Variants in OSBPL5 observed in about 807,000 individuals in gnomAD.
OSBPL5 encodes the protein oxysterol binding protein like 5, also known as oxysterol-binding protein-related protein 5.
A neutral mutation model predicts 111.2 loss-of-function variants in OSBPL5; 71 were observed. The ratio of observed to expected loss-of-function variants is 0.64; its 90% CI spans 0.53 to 0.78. The LOEUF (loss-of-function observed/expected upper bound fraction) is 0.78. Among genes scored for constraint, OSBPL5 ranks in the 30% least tolerant of loss-of-function variants. OSBPL5 has a pLI of 0.00. For missense variants in OSBPL5, 1,210 were observed against 1,189.3 expected, an observed-to-expected ratio of 1.02 and a Z score of -0.26; for synonymous variants, 549 against 513.9, an observed-to-expected ratio of 1.07 and a Z score of -0.93.
Position 3,107,775 on chromosome 11 carries a change from A to G in OSBPL5, c.862T>C (p.Phe288Leu). ...CTGTGCCCTCGCCCCACTCACGGGA[A>G]CAGGTCTTGGTCTGGGTGGACGGTG... ...SATVHPDQDL[F>L]PLNGSSLEND... is the part of the protein sequence containing the mutation. Residue 288 changes from phenylalanine to leucine, a missense_variant, in exon 8 of 22, where the codon TTC becomes CTC. Physicochemically the swap from Phe to Leu is conservative, Grantham distance 22. Coordinates refer to ENST00000263650, the MANE Select transcript of OSBPL5 (RefSeq NM_020896.4). The surrounding 1 kb of genome is among the most constrained non-coding windows in gnomAD (Gnocchi z 6.1). The G allele has an allele frequency of 6.2e-7, 1 of 1,611,796 alleles. No homozygotes were observed. Among genetic ancestry groups the G allele is most frequent in the South Asian group, 1.1e-5 (1 of 91,056 alleles).
At chr11:3,094,579 G>T in intron 14 of OSBPL5, 1 of 494,172 alleles carries the variant, frequency 2.0e-6, no homozygotes, top group South Asian at 2.5e-5. Flanking sequence ...ACGGAGCCTG[G>T]GAGGCACGCC....
chr11:3,090,635 G>A lies in OSBPL5; in HGVS notation c.2321C>T (p.Ala774Val). 1.9e-6 allele frequency: 3 copies of A among 1,612,956 alleles called. No individual in the cohort carries two copies. In the South Asian group the frequency reaches 3.3e-5, roughly 18 times the overall value. ...ASDQPSGHSQ[A>V]TESSGSTPES... ...AGGCGTGGATCCGCTGCTCTCCGTG[G>A]CCTGGCTGTGGCCGGAGGGCTGGTC... Residue 774 changes from alanine (A) to valine (V), a missense_variant, in exon 20 of 22, where the codon GCC becomes GTC. Ala to Val is a moderately conservative substitution (Grantham distance 64, BLOSUM62 0). Coordinates refer to ENST00000263650, the MANE Select transcript of OSBPL5 (RefSeq NM_020896.4).
rs201523021 is a variant in OSBPL5 at position 3,119,629 on chromosome 11, G to A, written c.609C>T (p.Gly203=). ...TGGAGCCCACGCTCTCACCTTTGGGGCCCTGGAGAGAGAGAGATCTGGGTG... is the reference window on the plus strand; with the variant it reads ...TGGAGCCCACGCTCTCACCTTTGGGACCCTGGAGAGAGAGAGATCTGGGTG... The part of the protein sequence containing the change: ...PLDQSVWAVK[G]PKGESVGSIT... Residue 203 remains glycine (G), a splice_region_variant and synonymous_variant, in exon 7 of 22, where the codon GGC becomes GGT. Transcript: ENST00000263650. 8.0e-5 allele frequency: 126 copies of A among 1,578,528 alleles called. 1 individual carries two copies. The Admixed American group carries it at 2.3e-3, about 28-fold the overall frequency.
chr11:3,101,454 A>G (rs1392416893), intron 13 of OSBPL5, 149 bp downstream of exon 13: 8 of 741,196 alleles, frequency 1.1e-5, no homozygotes, highest in Admixed American at 2.8e-5. Context: ...GGGTCTCAGC[A>G]CCTGACCACC....
chr11:3,160,324 G>GC (rs1448586365), intron 1 of OSBPL5, among the ~76,000 whole-genome samples: 3 of 152,200 alleles, frequency 2.0e-5, no homozygotes, highest in Non-Finnish European at 4.4e-5. Flanking sequence ...CAAGCAGGAC[G>GC]CCTGGACCCT....
intron 7 of OSBPL5, among the ~76,000 whole-genome samples, chr11:3,111,969 GC>G (rs1857960027): frequency 8.3e-6 from 1 of 120,124 alleles, no homozygotes; most frequent in South Asian, 2.7e-4. Context: ...GTGTGTGTGT[GC>G]ATATGTGTGC....
intron 14 of OSBPL5, among the ~76,000 whole-genome samples, chr11:3,095,366 C>T (rs922746694): frequency 2.6e-5 from 4 of 151,834 alleles, no homozygotes; most frequent in Non-Finnish European, 5.9e-5. Flanking sequence ...GGTCTGACCT[C>T]CAGATTGTGA....
Position 3,092,694 on chromosome 11 carries a change from G to A in OSBPL5, c.2133-136C>T. 1 of 1,361,402 alleles carries A rather than the reference G, an allele frequency of 7.3e-7. No individual in the cohort carries two copies. The highest frequency in any genetic ancestry group is 9.8e-7 in the Non-Finnish European group (1 of 1,020,382). The allele number at this position is 1,361,402 out of a possible 1,614,324, so 84.3% of individuals were successfully genotyped here. Reference sequence around the variant, plus strand: ...GACCACTGCCCACACCCCATGGGCAGGGCCTGCAGTAAGGACTGATGATGG... The same window carrying A: ...GACCACTGCCCACACCCCATGGGCAAGGCCTGCAGTAAGGACTGATGATGG... On this transcript the variant is annotated intron_variant, in intron 18 of 21. Transcript: ENST00000263650. The surrounding 1 kb of genome is among the most constrained non-coding windows in gnomAD (Gnocchi z 5.4).
rs2134513246 is a variant in OSBPL5, at chr11:3,142,078, A to G, written c.-21-12909T>C. On this transcript the variant is annotated intron_variant, in intron 1 of 21. Transcript: ENST00000263650. The surrounding 1 kb of genome is among the most constrained non-coding windows in gnomAD (Gnocchi z 7.1). ...CAGGCACCTGCCACGATGACCGGCT[A>G]AAATTTTTTTGTATTTTTTCAGTAG... Among the ~76,000 whole-genome samples the G allele has an allele frequency of 6.6e-6, 1 of 152,218 alleles. No homozygotes were observed. The highest frequency in any genetic ancestry group is 1.5e-5 in the Non-Finnish European group (1 of 68,014).
At chr11:3,103,890 T>TCCAG (rs1857601834) in intron 10 of OSBPL5, among the ~76,000 whole-genome samples, 4 of 101,614 alleles carry the variant, frequency 3.9e-5, no homozygotes, top group Admixed American at 2.8e-4. Context: ...GTAGCCCCAT[T>TCCAG]CCTGCCTCTG....
chr11:3,089,940 T>TCTCACC lies in OSBPL5; in HGVS notation c.2401_2406dup (p.Gly801_Glu802dup), dbSNP rs1328861866. The TCTCACC allele has an allele frequency of 1.6e-5, 25 of 1,550,296 alleles. No homozygotes were observed. The highest frequency in any genetic ancestry group is 2.2e-5 in the Non-Finnish European group (25 of 1,145,968). On this transcript the variant is annotated inframe_insertion, in exon 21 of 22. Coordinates refer to ENST00000263650, the MANE Select transcript of OSBPL5 (RefSeq NM_020896.4). ...TCCTTCCTGCACCGAGGGCATGGGC[T>TCTCACC]CTCACCGCCTGGGACGGCCCCGAGT...
At chr11:3,157,793 C>G (rs1281341136) in intron 1 of OSBPL5, among the ~76,000 whole-genome samples, 1 of 152,244 alleles carries the variant, frequency 6.6e-6, no homozygotes, top group Non-Finnish European at 1.5e-5. Flanking sequence ...GTTCTTCTGG[C>G]CGTTGGTGGG....
chr11:3,111,971 A>ATATGTGTGCGCGCATGTG (rs1554898136), intron 7 of OSBPL5, among the ~76,000 whole-genome samples: 3 of 115,492 alleles, frequency 2.6e-5, no homozygotes, highest in Admixed American at 8.3e-5. Context: ...GTGTGTGTGC[A>ATATGTGTGCGCGCATGTG]TATGTGTGCG....
At chr11:3,128,965 C>A in intron 2 of OSBPL5, 48 bp downstream of exon 2, 1 of 1,439,580 alleles carries the variant, frequency 6.9e-7, no homozygotes, top group Non-Finnish European at 9.1e-7. Flanking sequence ...GTCACCCCAC[C>A]GGGCCCAAGC....
intron 14 of OSBPL5, among the ~76,000 whole-genome samples, chr11:3,096,708 C>T (rs975681788): frequency 2.0e-5 from 3 of 151,798 alleles, no homozygotes; most frequent in Non-Finnish European, 4.4e-5. Context: ...AATGACATGA[C>T]ATGATATTTG....
At position 3,142,256 on chromosome 11, in the gene OSBPL5, C is replaced by T. The variant is rs572989550; in HGVS notation, c.-21-13087G>A. ...CTGAGGCCAAGAGAAGAAGCTGACT[C>T]GCCCAGGGCCACACGGCAGGTTGGT... is the stretch of plus-strand genomic sequence containing the variant. On this transcript the variant is annotated intron_variant, in intron 1 of 21. Coordinates refer to ENST00000263650, the MANE Select transcript of OSBPL5 (RefSeq NM_020896.4). This position sits in a 1 kb window ranked among gnomAD's most constrained non-coding sequence, Gnocchi z 7.1. Among the ~76,000 whole-genome samples the T allele has an allele frequency of 1.8e-4, 27 of 152,352 alleles. No homozygotes were observed. Among genetic ancestry groups the T allele is most frequent in the East Asian group, 7.7e-4 (4 of 5,178 alleles).
chr11:3,137,321 G>A (rs562418457), intron 1 of OSBPL5, among the ~76,000 whole-genome samples: 11 of 152,314 alleles, frequency 7.2e-5, no homozygotes, highest in Admixed American at 3.9e-4. Flanking sequence ...TCAGAGAGCC[G>A]TGGCATGCAC....
In OSBPL5 at chr11:3,104,835, T is replaced by C. The variant is rs1164912640; in HGVS notation, c.1060-458A>G. 4.6e-5 allele frequency among the ~76,000 whole-genome samples: 7 copies of C among 152,262 alleles called. No individual in the cohort carries two copies. The highest frequency in any genetic ancestry group is 2.9e-5 in the Non-Finnish European group (2 of 67,996). On this transcript the variant is annotated intron_variant, in intron 9 of 21. Coordinates refer to ENST00000263650, the MANE Select transcript of OSBPL5 (RefSeq NM_020896.4). This position sits in a 1 kb window ranked among gnomAD's most constrained non-coding sequence, Gnocchi z 5.0. ...GGTTATTGTAACATTTCTTTTTCTG[T>C]TTTTGAACCACTTTATTGAGGTCTG...
chr11:3,120,750 A>T, intron 5 of OSBPL5, 126 bp from the exon 6 acceptor site: 1 of 933,862 alleles, frequency 1.1e-6, no homozygotes, highest in African/African-American at 1.6e-5. Context: ...CCCCTCCCTC[A>T]CTCCCCCACA....
Sources: allele counts gnomAD v4.1 joint callset (sites outside exome capture counted in the v4.1 genomes callset), GRCh38; gene constraint gnomAD v4.1.1; non-coding constraint Gnocchi (gnomAD v3.1); transcripts MANE v1.5; gene names NCBI Gene and HGNC (gene_info 2026-07-23, HGNC 2026-07-21).